Variants in EMC1 observed in about 807,000 individuals in gnomAD.
The protein encoded by EMC1 is ER membrane protein complex subunit 1, also known as KIAA0090.
A neutral mutation model predicts 128.8 loss-of-function variants in EMC1; 103 were observed. The ratio of observed to expected loss-of-function variants is 0.80; its 90% CI spans 0.68 to 0.94. EMC1 has a LOEUF of 0.94. EMC1 is among the 40% of genes least tolerant of loss of function. The probability of loss-of-function intolerance (pLI) is 0.00; values close to 1 mark genes in which losing one functional copy is unlikely to be tolerated. For synonymous variants in EMC1, 442 were observed against 490.4 expected (o/e 0.90, Z 1.30); for missense variants, 1,083 against 1,250.6 (o/e 0.87, Z 2.02).
At chr1:19,239,764 C>CTAG in intron 8 of EMC1, 54 bp downstream of exon 8, 1 of 1,565,258 alleles carries the variant, frequency 6.4e-7, no homozygotes, top group Non-Finnish European at 8.7e-7. Context: ...CTTCTAGCAT[C>CTAG]CATGTCTTGG....
intron 2 of EMC1, 165 bp downstream of exon 2, chr1:19,244,741 A>G (rs1473569059): frequency 2.9e-6 from 2 of 696,244 alleles, no homozygotes; most frequent in Non-Finnish European, 2.4e-6. Flanking sequence ...GAACATACAA[A>G]TATTCAAAGA....
intron 13 of EMC1, 53 bp downstream of exon 13, chr1:19,235,077 T>C: frequency 1.9e-6 from 3 of 1,595,008 alleles, no homozygotes; most frequent in Non-Finnish European, 2.6e-6. Flanking sequence ...TTGTGGTCAT[T>C]TCCAGACTGG....
chr1:19,236,010 A>C (rs1019062471), intron 12 of EMC1, among the ~76,000 whole-genome samples: 2 of 152,206 alleles, frequency 1.3e-5, no homozygotes. Context: ...ATGGCAGAGC[A>C]AGGGGCTGGA....
intron 6 of EMC1, 47 bp downstream of exon 6, chr1:19,240,969 C>T: frequency 6.3e-7 from 1 of 1,596,396 alleles, no homozygotes; most frequent in South Asian, 1.1e-5. Context: ...TCTATCAAGT[C>T]TCCCCCAACC....
At position 19,250,218 on chromosome 1, in the gene EMC1, CAAAAAAAAAAAA is replaced by C. The variant is rs55743743; in HGVS notation, c.95+1185_95+1196del. 3.8e-3 allele frequency among the ~76,000 whole-genome samples: 181 copies of C among 48,260 alleles called. 1 individual carries two copies. Among genetic ancestry groups the C allele is most frequent in the South Asian group, 0.017 (14 of 806 alleles). 31.7% of individuals were successfully genotyped at this position (48,260 alleles called of 152,430 possible). On this transcript the variant is annotated intron_variant, in intron 1 of 22. Coordinates refer to ENST00000477853, the MANE Select transcript of EMC1 (RefSeq NM_015047.3). ...CTGGGCAACAAGAGCAAAACTGTCT[CAAAAAAAAAAAA>C]AAAAAAAAAAAAAAAAAGTCTTAAA... is the stretch of plus-strand genomic sequence containing the variant.
rs779004478 is a variant in EMC1, at chr1:19,219,295, T to A, written c.*8A>T. On this transcript the variant is annotated 3_prime_UTR_variant, in exon 23 of 23. Coordinates refer to ENST00000477853, the MANE Select transcript of EMC1 (RefSeq NM_015047.3). ...TGGCTCTCCACTTTTAGGCACAGTC[T>A]TTGTTCTTTATCGCCAGGCCCGATT... 1.2e-6 allele frequency: 2 copies of A among 1,614,092 alleles called. No individual in the cohort carries two copies. The highest frequency in any genetic ancestry group is 2.2e-5 in the South Asian group (2 of 91,084).
At chr1:19,222,070 A>G (rs2093435697) in intron 20 of EMC1, among the ~76,000 whole-genome samples, 1 of 152,184 alleles carries the variant, frequency 6.6e-6, no homozygotes, top group African/African-American at 2.4e-5. Context: ...GCAAGCTGTC[A>G]GCACAGGCTA....
At chr1:19,227,656 C>A (rs925866204) in intron 17 of EMC1, among the ~76,000 whole-genome samples, 2 of 152,112 alleles carry the variant, frequency 1.3e-5, no homozygotes, top group African/African-American at 4.8e-5. Flanking sequence ...CACTTGAGGT[C>A]AGGAGTTCAA....
intron 17 of EMC1, among the ~76,000 whole-genome samples, chr1:19,227,868 G>A (rs1006913771): frequency 6.6e-6 from 1 of 151,894 alleles, no homozygotes; most frequent in Non-Finnish European, 1.5e-5. Context: ...AACAGCAATA[G>A]AGATCTAGTT....
chr1:19,250,955 G>GT (rs1191775865), intron 1 of EMC1, among the ~76,000 whole-genome samples: 1 of 152,222 alleles, frequency 6.6e-6, no homozygotes, highest in Non-Finnish European at 1.5e-5. Flanking sequence ...GCCAGACTAG[G>GT]TTGATGAGAG....
chr1:19,235,695 C>T (rs1366306511), intron 12 of EMC1, among the ~76,000 whole-genome samples: 5 of 151,674 alleles, frequency 3.3e-5, no homozygotes, highest in Admixed American at 6.6e-5. Context: ...AGCGAGACTC[C>T]GTCTTGAAAT....
chr1:19,229,547 C>T (rs1436742848), intron 17 of EMC1, among the ~76,000 whole-genome samples: 1 of 152,140 alleles, frequency 6.6e-6, no homozygotes, highest in African/African-American at 2.4e-5. Flanking sequence ...CAGTTCACTC[C>T]CCTGAATCTA....
Position 19,241,074 on chromosome 1 carries a change from G to A in EMC1, c.578C>T (p.Pro193Leu), listed in dbSNP as rs956635441. ...SGVVWALGVV[P>L]FSHVNIVKFN... ...CTTGACAATGTTCACATGGCTGAAG[G>A]GAACAACTCCGAGGGCCCACACCAC... Residue 193 changes from proline to leucine, a missense_variant, in exon 6 of 23, where the codon CCC becomes CTC. Around this residue, in one of 3 missense-constraint regions of EMC1, gnomAD observed 544 missense variants for 572.4 expected, o/e 0.95. Transcript: ENST00000477853. 14 of 1,613,984 alleles carry A rather than the reference G, an allele frequency of 8.7e-6. No homozygotes were observed. The highest frequency in any genetic ancestry group is 2.2e-5 in the East Asian group (1 of 44,892).
chr1:19,227,593 G>C, intron 17 of EMC1, 143 bp from the exon 18 acceptor site: 1 of 1,025,080 alleles, frequency 9.8e-7, no homozygotes. Flanking sequence ...TGAGCCAGGA[G>C]CAGTGGCTCA....
chr1:19,244,814 G>A, intron 2 of EMC1, 92 bp downstream of exon 2: 6 of 1,476,296 alleles, frequency 4.1e-6, no homozygotes, highest in Non-Finnish European at 4.7e-6. Flanking sequence ...TGGCCAACAT[G>A]TTCCTTATTC....
chr1:19,240,014 G>A (rs752649331), intron 7 of EMC1, 29 bp from the exon 8 acceptor site: 1 of 1,593,978 alleles, frequency 6.3e-7, no homozygotes, highest in Non-Finnish European at 8.6e-7. Context: ...GAGGATTATG[G>A]CTAACAGCTG....
intron 13 of EMC1, among the ~76,000 whole-genome samples, chr1:19,233,928 T>C (rs1462858604): frequency 6.6e-6 from 1 of 152,196 alleles, no homozygotes; most frequent in Non-Finnish European, 1.5e-5. Flanking sequence ...GGATTTAGCG[T>C]GGTGGCTGGT....
At chr1:19,246,116 C>T (rs771652912) in intron 1 of EMC1, among the ~76,000 whole-genome samples, 3 of 152,092 alleles carry the variant, frequency 2.0e-5, no homozygotes, top group Admixed American at 6.5e-5. Context: ...ACAGGCCAGG[C>T]GCAGTGGCTC....
chr1:19,224,790 G>A (rs764465360), intron 18 of EMC1, among the ~76,000 whole-genome samples: 1 of 151,880 alleles, frequency 6.6e-6, no homozygotes, highest in Non-Finnish European at 1.5e-5. Context: ...CCTGTGATCT[G>A]GCCCTGTTGC....
Sources: allele counts gnomAD v4.1 joint callset (sites outside exome capture counted in the v4.1 genomes callset), GRCh38; gene constraint gnomAD v4.1.1; regional missense constraint gnomAD v4.1.1; transcripts MANE v1.5; gene names NCBI Gene and HGNC (gene_info 2026-07-23, HGNC 2026-07-21).